MAP3K8: variants seen among roughly 807,000 people sequenced by gnomAD.
The protein encoded by MAP3K8 is Ewing sarcoma transformant.
MAP3K8 carries 22 observed loss-of-function variants against 45.8 expected under a neutral mutation model. The ratio of observed to expected loss-of-function variants is 0.48; its 90% CI spans 0.34 to 0.69. The LOEUF is 0.69. Among genes scored for constraint, MAP3K8 ranks in the 30% least tolerant of loss-of-function variants. The probability of loss-of-function intolerance (pLI) is 0.01; values close to 1 mark genes in which losing one functional copy is unlikely to be tolerated. For synonymous variants in MAP3K8, 223 were observed against 214.3 expected, an observed-to-expected ratio of 1.04 and a Z score of -0.36; for missense variants, 419 against 585.0, an observed-to-expected ratio of 0.72 and a Z score of 2.93.
intron 4 of MAP3K8, 62 bp from the exon 5 acceptor site, chr10:30,450,196 T>C (rs1836488088): frequency 6.7e-7 from 1 of 1,489,000 alleles, no homozygotes; most frequent in African/African-American, 1.4e-5. Flanking sequence ...TTGACCTATA[T>C]TTTATATTTT....
chr10:30,452,581 C>T (rs543864128), intron 6 of MAP3K8, among the ~76,000 whole-genome samples: 17 of 151,082 alleles, frequency 1.1e-4, no homozygotes, highest in Non-Finnish European at 8.8e-5. Context: ...TGCAGTGAGC[C>T]ATGGGCATTC....
intron 4 of MAP3K8, 106 bp from the exon 5 acceptor site, chr10:30,450,152 C>A: frequency 9.4e-7 from 1 of 1,062,966 alleles, no homozygotes; most frequent in Non-Finnish European, 1.4e-6. Context: ...GCAGAGTATT[C>A]TTGAGGGCAT....
At chr10:30,448,818 A>G (rs1208143529) in intron 4 of MAP3K8, among the ~76,000 whole-genome samples, 1 of 152,084 alleles carries the variant, frequency 6.6e-6, no homozygotes, top group Non-Finnish European at 1.5e-5. Context: ...CACACCCCCT[A>G]TGACTCAACA....
Position 30,439,226 on chromosome 10 carries a change from G to A in MAP3K8, c.288G>A (p.Lys96=), listed in dbSNP as rs781623061. Reference sequence around the variant, plus strand: ...CAAACCATATATCCAACACTGCAAAGCATTTTTATGGACAACGACCACAGG... The same window carrying A: ...CAAACCATATATCCAACACTGCAAAACATTTTTATGGACAACGACCACAGG... ...AFANHISNTA[K]HFYGQRPQES... The change falls in exon 3 of 9, where the codon AAG becomes AAA. Residue 96 remains lysine (K), a synonymous_variant. Coordinates refer to ENST00000263056, the MANE Select transcript of MAP3K8 (RefSeq NM_005204.4). 1.1e-5 allele frequency: 18 copies of A among 1,614,036 alleles called. No homozygotes were observed. Among genetic ancestry groups the A allele is most frequent in the Admixed American group, 3.3e-5 (2 of 59,996 alleles).
intron 7 of MAP3K8, among the ~76,000 whole-genome samples, chr10:30,458,974 G>C (rs1482459307): frequency 2.6e-5 from 4 of 152,156 alleles, no homozygotes; most frequent in Non-Finnish European, 4.4e-5. Context: ...TTGCATGGGA[G>C]GCTGAGGTGA....
intron 1 of MAP3K8, 127 bp from the exon 2 acceptor site, chr10:30,437,049 G>C (rs1262071949): frequency 3.2e-6 from 1 of 313,712 alleles, no homozygotes; most frequent in Non-Finnish European, 4.6e-6. Flanking sequence ...AATCTCCCTC[G>C]AAGATGTACA....
At chr10:30,441,704 T>A (rs1048906519) in intron 3 of MAP3K8, among the ~76,000 whole-genome samples, 2 of 152,302 alleles carry the variant, frequency 1.3e-5, no homozygotes, top group South Asian at 4.1e-4. Flanking sequence ...ACATTAAAGA[T>A]GGACTACATT....
In MAP3K8 at chr10:30,434,703, C is replaced by G. The variant is rs80241072; in HGVS notation, c.-255+325C>G. 62 of 985,562 alleles carry G rather than the reference C, an allele frequency of 6.3e-5. No individual in the cohort carries two copies. The East Asian group carries it at 4.0e-3, about 63-fold the overall frequency. The allele number at this position is 985,562 out of a possible 1,614,324, so 61.1% of individuals were successfully genotyped here. On this transcript the variant is annotated intron_variant, in intron 1 of 8. Coordinates refer to ENST00000263056, the MANE Select transcript of MAP3K8 (RefSeq NM_005204.4). ...GGACCCGCTGTCACTGCGCCTCCCG[C>G]TGCCGACGCCGCCTGGACGGCCGCA... is the stretch of plus-strand genomic sequence containing the variant.
intron 4 of MAP3K8, among the ~76,000 whole-genome samples, chr10:30,448,234 G>A (rs1836406905): frequency 6.6e-6 from 1 of 152,120 alleles, no homozygotes; most frequent in Non-Finnish European, 1.5e-5. Context: ...CTCTTGGAGA[G>A]AAGTAGAGAA....
At chr10:30,444,753 G>C (rs914727549) in intron 3 of MAP3K8, among the ~76,000 whole-genome samples, 1 of 152,198 alleles carries the variant, frequency 6.6e-6, no homozygotes, top group African/African-American at 2.4e-5. Flanking sequence ...AAATAACTGA[G>C]TTATTTTTAT....
At chr10:30,442,172 G>T (rs1836136436) in intron 3 of MAP3K8, among the ~76,000 whole-genome samples, 1 of 152,254 alleles carries the variant, frequency 6.6e-6, no homozygotes, top group African/African-American at 2.4e-5. Flanking sequence ...CATGCAGGAT[G>T]CAGTTGAATA....
At chr10:30,449,934 T>G (rs1172976489) in intron 4 of MAP3K8, among the ~76,000 whole-genome samples, 1 of 152,252 alleles carries the variant, frequency 6.6e-6, no homozygotes, top group Non-Finnish European at 1.5e-5. Context: ...TAGATACTGT[T>G]GTCTAATAGG....
At chr10:30,435,730 G>A (rs1835890717) in intron 1 of MAP3K8, among the ~76,000 whole-genome samples, 1 of 152,138 alleles carries the variant, frequency 6.6e-6, no homozygotes, top group Admixed American at 6.5e-5. Context: ...TTTTTGTAGA[G>A]ACAGGGTTTC....
At chr10:30,453,547 A>G (rs1346369161) in intron 6 of MAP3K8, among the ~76,000 whole-genome samples, 1 of 152,204 alleles carries the variant, frequency 6.6e-6, no homozygotes. Context: ...TAACATTCAC[A>G]TCATTAGGCT....
At chr10:30,437,433 A>G in intron 2 of MAP3K8, 27 bp downstream of exon 2, 1 of 447,142 alleles carries the variant, frequency 2.2e-6, no homozygotes, top group Non-Finnish European at 3.0e-6. Flanking sequence ...CTTCCATTTT[A>G]CAGATGGGGA....
chr10:30,448,563 A>G (rs986648912), intron 4 of MAP3K8, among the ~76,000 whole-genome samples: 13 of 151,346 alleles, frequency 8.6e-5, no homozygotes, highest in Non-Finnish European at 1.8e-4. Flanking sequence ...CTCCCAAGTA[A>G]CTGGGATTAC....
chr10:30,458,425 AT>A (rs961912026), intron 7 of MAP3K8, among the ~76,000 whole-genome samples, 189 bp downstream of exon 7: 4 of 152,238 alleles, frequency 2.6e-5, no homozygotes, highest in African/African-American at 7.2e-5. Context: ...AAACATAGCT[AT>A]TTTAGTGGGA....
At chr10:30,445,450 T>C (rs1219957413) in intron 3 of MAP3K8, among the ~76,000 whole-genome samples, 1 of 152,180 alleles carries the variant, frequency 6.6e-6, no homozygotes, top group African/African-American at 2.4e-5. Context: ...TAAACTGGGT[T>C]ATAACAAATT....
intron 3 of MAP3K8, among the ~76,000 whole-genome samples, chr10:30,443,426 A>G (rs1182360042): frequency 6.6e-6 from 1 of 152,196 alleles, no homozygotes; most frequent in Non-Finnish European, 1.5e-5. Context: ...TTTAAATTGC[A>G]TGTTCCCCAG....
Sources: gnomAD v4.1 joint callset for allele counts (sites outside exome capture counted in the v4.1 genomes callset) on GRCh38, gnomAD v4.1.1 for gene constraint, MANE v1.5 for transcripts, NCBI Gene and HGNC (gene_info 2026-07-23, HGNC 2026-07-21) for gene names.